Variants in ITPR2 observed in about 807,000 individuals in gnomAD.
ITPR2 encodes the protein inositol 1,4,5-trisphosphate receptor type 2.
A neutral mutation model predicts 317.1 loss-of-function variants in ITPR2; 207 were observed. That is an observed-to-expected ratio of 0.65 (90% confidence interval 0.58 to 0.73). The LOEUF (loss-of-function observed/expected upper bound fraction) is 0.73, where lower values mean the gene tolerates loss of function less well. ITPR2 is among the 30% of genes least tolerant of loss of function. The pLI, the probability that ITPR2 is intolerant of heterozygous loss-of-function variation, is 0.00. For synonymous variants in ITPR2, 1,156 were observed against 1,149.1 expected (o/e 1.01, Z -0.12); for missense variants, 2,613 against 3,284.0 (o/e 0.80, Z 4.99).
At chr12:26,431,359 G>GC (rs1457189964) in intron 48 of ITPR2, among the ~76,000 whole-genome samples, 3 of 152,202 alleles carry the variant, frequency 2.0e-5, no homozygotes, top group Non-Finnish European at 4.4e-5. Flanking sequence ...GCAGCTGTCA[G>GC]CTTCTGAGTG....
At chr12:26,510,674 C>A (rs1943320687) in intron 37 of ITPR2, among the ~76,000 whole-genome samples, 1 of 152,174 alleles carries the variant, frequency 6.6e-6, no homozygotes, top group Non-Finnish European at 1.5e-5. Context: ...GTGAAGAACA[C>A]AAATTGTTTT....
At chr12:26,777,119 G>T (rs1485490084) in intron 2 of ITPR2, among the ~76,000 whole-genome samples, 1 of 152,182 alleles carries the variant, frequency 6.6e-6, no homozygotes, top group Non-Finnish European at 1.5e-5. Flanking sequence ...GTTAAAAAAA[G>T]GTTCAAATAG....
chr12:26,475,524 A>G, intron 44 of ITPR2, 106 bp from the exon 45 acceptor site: 3 of 1,193,360 alleles, frequency 2.5e-6, no homozygotes, highest in Non-Finnish European at 3.5e-6. Flanking sequence ...TCAAAAGTAT[A>G]AAAGGACTCT....
intron 32 of ITPR2, among the ~76,000 whole-genome samples, chr12:26,595,166 T>C (rs1945810959): frequency 1.3e-5 from 2 of 152,180 alleles, no homozygotes; most frequent in African/African-American, 4.8e-5. Flanking sequence ...CTGCCAAATA[T>C]CTTCTCTAAC....
chr12:26,799,672 A>G (rs993991675), intron 1 of ITPR2, among the ~76,000 whole-genome samples: 2 of 152,182 alleles, frequency 1.3e-5, no homozygotes, highest in African/African-American at 4.8e-5. Context: ...TTCTCCATCT[A>G]AAATAACTTC....
At chr12:26,451,407 ACG>A (rs1491328529) in intron 45 of ITPR2, among the ~76,000 whole-genome samples, 3 of 144,502 alleles carry the variant, frequency 2.1e-5, no homozygotes, top group East Asian at 4.1e-4. Context: ...ACACACACAC[ACG>A]GAAAGTAAGG....
At chr12:26,405,834 T>G (rs1273734301) in intron 52 of ITPR2, among the ~76,000 whole-genome samples, 1 of 152,178 alleles carries the variant, frequency 6.6e-6, no homozygotes, top group Non-Finnish European at 1.5e-5. Context: ...GGTGCATGCC[T>G]GTAATCCCAG....
chr12:26,711,315 C>T, intron 8 of ITPR2, 47 bp from the exon 9 acceptor site: 3 of 1,335,792 alleles, frequency 2.2e-6, no homozygotes. Context: ...ATTTATGTTC[C>T]TGGCAAGCAA....
At chr12:26,369,453 T>C (rs912826588) in intron 55 of ITPR2, among the ~76,000 whole-genome samples, 7 of 152,194 alleles carry the variant, frequency 4.6e-5, no homozygotes, top group African/African-American at 1.4e-4. Flanking sequence ...TTTTATTAAA[T>C]AATGTGAAGA....
intron 1 of ITPR2, among the ~76,000 whole-genome samples, chr12:26,828,715 C>T (rs1592165456): frequency 6.6e-6 from 1 of 152,116 alleles, no homozygotes; most frequent in East Asian, 1.9e-4. Flanking sequence ...TGAAAACCAC[C>T]CACATGTTAA....
intron 45 of ITPR2, among the ~76,000 whole-genome samples, chr12:26,456,795 C>T (rs1941897726): frequency 1.3e-5 from 2 of 152,206 alleles, no homozygotes; most frequent in Non-Finnish European, 1.5e-5. Flanking sequence ...GCCTCAGCCT[C>T]TCGAGTAGCT....
chr12:26,427,258 T>A (rs1453348953), intron 49 of ITPR2, among the ~76,000 whole-genome samples: 1 of 152,164 alleles, frequency 6.6e-6, no homozygotes, highest in South Asian at 2.1e-4. Context: ...CCTTTTAATA[T>A]CTCTGTATGG....
At chr12:26,699,257 A>T (rs184315887) in intron 9 of ITPR2, among the ~76,000 whole-genome samples, 41 of 152,270 alleles carry the variant, frequency 2.7e-4, no homozygotes, top group African/African-American at 9.9e-4. Context: ...AACTTAGATC[A>T]TATATTCTAC....
intron 1 of ITPR2, among the ~76,000 whole-genome samples, chr12:26,805,934 CA>C (rs1252570534): frequency 6.6e-6 from 1 of 151,986 alleles, no homozygotes; most frequent in Admixed American, 6.5e-5. Context: ...ACAGGTAGCT[CA>C]ACGTGATCTG....
At chr12:26,712,667 ACACACAC>A (rs1294817564) in intron 8 of ITPR2, among the ~76,000 whole-genome samples, 2 of 110,496 alleles carry the variant, frequency 1.8e-5, no homozygotes, top group African/African-American at 6.7e-5. Context: ...ACACACACAC[ACACACAC>A]AATTTTGTGG....
intron 2 of ITPR2, among the ~76,000 whole-genome samples, chr12:26,731,228 A>G (rs1949023796): frequency 6.6e-6 from 1 of 152,228 alleles, no homozygotes; most frequent in South Asian, 2.1e-4. Flanking sequence ...TGGCTCTTTC[A>G]CGGTAGCCTG....
chr12:26,768,477 C>A (rs1375323492), intron 2 of ITPR2, among the ~76,000 whole-genome samples: 6 of 78,798 alleles, frequency 7.6e-5, no homozygotes, highest in South Asian at 3.6e-4. Context: ...AAATTTTGTG[C>A]AACTCAAAAA....
At chr12:26,617,014 A>AT (rs1946387762) in intron 26 of ITPR2, among the ~76,000 whole-genome samples, 1 of 152,244 alleles carries the variant, frequency 6.6e-6, no homozygotes, top group Non-Finnish European at 1.5e-5. Flanking sequence ...ATATATGTTA[A>AT]TTGACTGTCT....
chr12:26,698,973 T>G (rs1948398033), intron 9 of ITPR2, among the ~76,000 whole-genome samples: 1 of 151,492 alleles, frequency 6.6e-6, no homozygotes, highest in Non-Finnish European at 1.5e-5. Flanking sequence ...AAAAATTTAT[T>G]TGTCTTCTGC....
Sources: allele counts gnomAD v4.1 joint callset (sites outside exome capture counted in the v4.1 genomes callset), GRCh38; gene constraint gnomAD v4.1.1; transcripts MANE v1.5; gene names NCBI Gene and HGNC (gene_info 2026-07-23, HGNC 2026-07-21).